Variants in ZNF518B observed in about 807,000 individuals in gnomAD.
ZNF518B encodes the protein zinc finger protein 518B.
In ZNF518B, 23 loss-of-function variants were observed where a neutral mutation model predicts 56.3. The ratio of observed to expected loss-of-function variants is 0.41; its 90% CI spans 0.29 to 0.58. The LOEUF is 0.58. Ranked by LOEUF, ZNF518B falls within the 20% of genes least tolerant of loss-of-function variation. The pLI, the probability that ZNF518B is intolerant of heterozygous loss-of-function variation, is 0.32. For synonymous variants in ZNF518B, 529 were observed against 465.9 expected (o/e 1.14, Z -1.74); for missense variants, 1,460 against 1,272.1 (o/e 1.15, Z -2.25).
At chr4:10,458,243 C>T (rs938668645), upstream of ZNF518B, among the ~76,000 whole-genome samples, 4 of 152,110 alleles carry the variant, frequency 2.6e-5, no homozygotes, top group African/African-American at 9.7e-5. Flanking sequence ...CAAAGTGAAA[C>T]AGCTCTCCAG....
upstream of ZNF518B, among the ~76,000 whole-genome samples, chr4:10,459,880 C>G (rs571155160): frequency 6.6e-6 from 1 of 152,226 alleles, no homozygotes; most frequent in South Asian, 2.1e-4. Flanking sequence ...TTTGGTACAG[C>G]CACCCTAAGA....
intron 2 of ZNF518B, chr4:10,453,035 A>T (rs986002722): frequency 6.6e-6 from 1 of 152,270 alleles, no homozygotes; most frequent in Non-Finnish European, 1.5e-5. Context: ...TGGGACAAGA[A>T]GAACAAGGTT....
intron 2 of ZNF518B, chr4:10,451,033 G>T (rs1336480571): frequency 6.6e-6 from 1 of 152,188 alleles, no homozygotes; most frequent in East Asian, 1.9e-4. Context: ...AAGAGGCACG[G>T]TGTGTCACAG....
At chr4:10,447,478 G>A (rs1414705673) in intron 2 of ZNF518B, among the ~76,000 whole-genome samples, 2 of 152,110 alleles carry the variant, frequency 1.3e-5, no homozygotes, top group Non-Finnish European at 2.9e-5. Flanking sequence ...GAACAGCAAG[G>A]AGAATGGGGA....
chr4:10,446,281 T>G lies in ZNF518B; in HGVS notation c.48A>C (p.Gly16=). ...QQLYTTHLNG[G]HNSLTMSPKQ... ...TGGGTGACATGGTCAAGGAATTATGTCCGCCGTTCAAGTGTGTAGTGTATA... is the reference window on the plus strand; with the variant it reads ...TGGGTGACATGGTCAAGGAATTATGGCCGCCGTTCAAGTGTGTAGTGTATA... Residue 16 remains glycine (G), a synonymous_variant, in exon 3 of 3, where the codon GGA becomes GGC. Coordinates refer to ENST00000326756, the MANE Select transcript of ZNF518B (RefSeq NM_053042.3). 1 of 1,614,226 alleles carries G rather than the reference T, an allele frequency of 6.2e-7. No homozygotes were observed. Among genetic ancestry groups the G allele is most frequent in the Non-Finnish European group, 8.5e-7 (1 of 1,180,040 alleles).
intron 2 of ZNF518B, chr4:10,451,437 C>T (rs1450565164): frequency 2.0e-5 from 3 of 152,174 alleles, no homozygotes; most frequent in African/African-American, 7.2e-5. Flanking sequence ...CCTGGGTATA[C>T]CCACTGTTTT....
chr4:10,456,354 T>C (rs1474176376), intron 1 of ZNF518B, among the ~76,000 whole-genome samples: 3 of 152,182 alleles, frequency 2.0e-5, no homozygotes, highest in Non-Finnish European at 4.4e-5. Context: ...ACTTTCATTC[T>C]TTTGAACCCT....
chr4:10,446,219 C>A lies in ZNF518B; in HGVS notation c.110G>T (p.Arg37Ile), dbSNP rs1291291227. The A allele has an allele frequency of 1.2e-6, 2 of 1,614,074 alleles. No individual in the cohort carries two copies. Among genetic ancestry groups the A allele is most frequent in the African/African-American group, 2.7e-5 (2 of 74,930 alleles). The part of the protein sequence containing the change: ...PDANGAPRPN[R>I]QEAQTLLYQG... ...ATACAAAAGGGTTTGTGCTTCTTGT[C>A]TATTTGGCCGAGGTGCTCCATTAGC... Residue 37 changes from arginine (R) to isoleucine (I), a missense_variant, in exon 3 of 3, where the codon AGA (arginine) becomes ATA (isoleucine). Transcript: ENST00000326756.
intron 2 of ZNF518B, chr4:10,453,911 C>T (rs1715425482): frequency 6.6e-6 from 1 of 152,206 alleles, no homozygotes; most frequent in South Asian, 2.1e-4. Context: ...CCTGGGACAG[C>T]TGGTCACCCC....
In ZNF518B at chr4:10,443,843, T is replaced by C. The variant is rs1482725295; in HGVS notation, c.2486A>G (p.Glu829Gly). The change falls in exon 3 of 3, where the codon GAA (glutamate) becomes GGA (glycine). Residue 829 changes from glutamate to glycine, a missense_variant. Transcript: ENST00000326756. ...TGGGGACATATCTATTGGCCCCCTTTCACTTCTTAAAGGCTGTAAGTCTGA... is the reference window on the plus strand; with the variant it reads ...TGGGGACATATCTATTGGCCCCCTTCCACTTCTTAAAGGCTGTAAGTCTGA... ...ADSDLQPLRS[E>G]RGPIDMSPNI... 6.2e-7 allele frequency: 1 copy of C among 1,614,092 alleles called. No individual in the cohort carries two copies. The highest frequency in any genetic ancestry group is 1.3e-5 in the African/African-American group (1 of 74,940).
rs758522793 is a variant in ZNF518B, at chr4:10,443,866, T to C, written c.2463A>G (p.Ser821=). The C allele has an allele frequency of 1.2e-6, 2 of 1,614,222 alleles. No homozygotes were observed. Among genetic ancestry groups the C allele is most frequent in the Admixed American group, 3.3e-5 (2 of 60,026 alleles). ...VPFCPVRQAD[S]DLQPLRSERG... The stretch of plus-strand genomic sequence containing the variant: ...TTTCACTTCTTAAAGGCTGTAAGTC[T>C]GAGTCCGCCTGTCTCACAGGGCAAA... The change falls in exon 3 of 3, where the codon TCA becomes TCG. Residue 821 remains serine (S), a synonymous_variant. Coordinates refer to ENST00000326756, the MANE Select transcript of ZNF518B (RefSeq NM_053042.3).
Position 10,446,110 on chromosome 4 carries a change from A to C in ZNF518B, c.219T>G (p.Asp73Glu). The change falls in exon 3 of 3, where the codon GAT (aspartate) becomes GAG (glutamate). Residue 73 changes from aspartate (D) to glutamate (E), a missense_variant. Coordinates refer to ENST00000326756, the MANE Select transcript of ZNF518B (RefSeq NM_053042.3). ...CKSVHKISLQ[D>E]LQKGTGKDGM... ...CGTCCTTCCCTGTACCCTTCTGCAA[A>C]TCTTGAAGAGAGATCTTGTGAACAC... 6.2e-7 allele frequency: 1 copy of C among 1,614,166 alleles called. No homozygotes were observed. The highest frequency in any genetic ancestry group is 8.5e-7 in the Non-Finnish European group (1 of 1,180,026).
At chr4:10,448,468 A>G (rs1006947983) in intron 2 of ZNF518B, among the ~76,000 whole-genome samples, 3 of 152,154 alleles carry the variant, frequency 2.0e-5, no homozygotes, top group African/African-American at 7.2e-5. Flanking sequence ...AAAATAACAC[A>G]TCATATCTGA....
rs1375078643 is a variant in ZNF518B at position 10,446,279 on chromosome 4, T to G, written c.50A>C (p.His17Pro). 2 of 1,614,258 alleles carry G rather than the reference T, an allele frequency of 1.2e-6. No homozygotes were observed. The highest frequency in any genetic ancestry group is 1.7e-6 in the Non-Finnish European group (2 of 1,180,048). The change falls in exon 3 of 3, where the codon CAT (histidine) becomes CCT (proline). Residue 17 changes from histidine to proline, a missense_variant. Coordinates refer to ENST00000326756, the MANE Select transcript of ZNF518B (RefSeq NM_053042.3). ...QLYTTHLNGG[H>P]NSLTMSPKQP... ...TTTGGGTGACATGGTCAAGGAATTA[T>G]GTCCGCCGTTCAAGTGTGTAGTGTA...
At chr4:10,447,808 C>A (rs1447045229) in intron 2 of ZNF518B, among the ~76,000 whole-genome samples, 1 of 152,060 alleles carries the variant, frequency 6.6e-6, no homozygotes, top group East Asian at 1.9e-4. Context: ...CACCACCATG[C>A]CCAGCTAATT....
In ZNF518B at chr4:10,443,923, G is replaced by C; in HGVS notation, c.2406C>G (p.Cys802Trp). The change falls in exon 3 of 3, where the codon TGC becomes TGG. Residue 802 changes from cysteine to tryptophan, a missense_variant. Coordinates refer to ENST00000326756, the MANE Select transcript of ZNF518B (RefSeq NM_053042.3). ...ATCEAPVSIP[C>W]SERQLIKPVP... Reference sequence around the variant, plus strand: ...CTGGTTTTATTAACTGTCTTTCACTGCAAGGTATGCTGACAGGTGCTTCAC... The same window carrying C: ...CTGGTTTTATTAACTGTCTTTCACTCCAAGGTATGCTGACAGGTGCTTCAC... 1 of 1,614,212 alleles carries C rather than the reference G, an allele frequency of 6.2e-7. No homozygotes were observed.
chr4:10,445,450 A>G lies in ZNF518B; in HGVS notation c.879T>C (p.Asn293=). The change falls in exon 3 of 3, where the codon AAT becomes AAC. Residue 293 remains asparagine (N), a synonymous_variant. Coordinates refer to ENST00000326756, the MANE Select transcript of ZNF518B (RefSeq NM_053042.3). ...CATTTGGCTCAGACAGGGTCATTTT[A>G]TTTGGAATACAAACTACATCTTTTT... The part of the protein sequence containing the change: ...EYQKDVVCIP[N]KMTLSEPNEV... 2 of 1,614,220 alleles carry G rather than the reference A, an allele frequency of 1.2e-6. No individual in the cohort carries two copies. Among genetic ancestry groups the G allele is most frequent in the Non-Finnish European group, 1.7e-6 (2 of 1,180,024 alleles).
Position 10,444,640 on chromosome 4 carries a change from T to C in ZNF518B, c.1689A>G (p.Val563=), listed in dbSNP as rs762608654. ...LESTSKVNIP[V]KVVSSNRKQE... ...GCTTCCTATTAGAGGAAACCACTTTTACAGGAATATTGACTTTACTTGTAG... is the reference window on the plus strand; with the variant it reads ...GCTTCCTATTAGAGGAAACCACTTTCACAGGAATATTGACTTTACTTGTAG... Residue 563 remains valine, a synonymous_variant, in exon 3 of 3, where the codon GTA becomes GTG. Coordinates refer to ENST00000326756, the MANE Select transcript of ZNF518B (RefSeq NM_053042.3). The C allele has an allele frequency of 4.3e-6, 7 of 1,614,108 alleles. No individual in the cohort carries two copies. Among genetic ancestry groups the C allele is most frequent in the Non-Finnish European group, 5.9e-6 (7 of 1,180,042 alleles).
intron 1 of ZNF518B, among the ~76,000 whole-genome samples, chr4:10,455,501 A>G (rs1395012283): frequency 6.6e-6 from 1 of 152,228 alleles, no homozygotes; most frequent in African/African-American, 2.4e-5. Flanking sequence ...TGAATGAATG[A>G]AAGAGCAGGC....
Sources: allele counts gnomAD v4.1 joint callset (sites outside exome capture counted in the v4.1 genomes callset), GRCh38; gene constraint gnomAD v4.1.1; transcripts MANE v1.5; gene names NCBI Gene and HGNC (gene_info 2026-07-23, HGNC 2026-07-21).